The following PPP4R2 variants were observed in gnomAD, a reference collection of about 807,000 sequenced individuals.
PPP4R2 encodes serine/threonine-protein phosphatase 4 regulatory subunit 2.
Under a neutral mutation model 47.2 loss-of-function variants are expected in PPP4R2, and 13 were observed. The ratio of observed to expected loss-of-function variants is 0.28; its 90% confidence interval spans 0.18 to 0.44. The LOEUF is 0.44. Ranked by LOEUF, PPP4R2 falls within the 20% of genes least tolerant of loss-of-function variation. The pLI is 1.00. For missense variants in PPP4R2, 421 were observed against 491.2 expected, an observed-to-expected ratio of 0.86 and a Z score of 1.35; for synonymous variants, 151 against 163.3, an observed-to-expected ratio of 0.92 and a Z score of 0.57.
At chr3:73,041,452 C>T (rs1270831264) in intron 2 of PPP4R2, among the ~76,000 whole-genome samples, 1 of 152,222 alleles carries the variant, frequency 6.6e-6, no homozygotes, top group East Asian at 1.9e-4. Flanking sequence ...TTGCCTCAGT[C>T]ATATAATTAA....
intron 2 of PPP4R2, among the ~76,000 whole-genome samples, chr3:73,001,848 C>G (rs1428803418): frequency 6.6e-6 from 1 of 152,172 alleles, no homozygotes; most frequent in East Asian, 1.9e-4. Context: ...AGGATGATCT[C>G]TATCTCTTGA....
chr3:73,003,763 A>G (rs1022243679), intron 2 of PPP4R2, among the ~76,000 whole-genome samples: 4 of 151,592 alleles, frequency 2.6e-5, no homozygotes, highest in Non-Finnish European at 4.4e-5. Flanking sequence ...CAGTGGTGCG[A>G]TCTTGACTCA....
intron 1 of PPP4R2, 137 bp downstream of exon 1, chr3:72,997,208 A>G (rs998766344): frequency 5.7e-5 from 33 of 579,202 alleles, no homozygotes; most frequent in Non-Finnish European, 7.7e-5. Context: ...ATCCCCCTCC[A>G]CCTCCCCAGG....
intron 5 of PPP4R2, chr3:73,063,085 A>T: frequency 3.3e-6 from 2 of 608,330 alleles, no homozygotes; most frequent in Non-Finnish European, 5.7e-6. Context: ...TTGCCACCCC[A>T]TTATTGGGGA....
chr3:73,047,625 A>G (rs1702511393), intron 3 of PPP4R2, among the ~76,000 whole-genome samples: 1 of 152,144 alleles, frequency 6.6e-6, no homozygotes, highest in South Asian at 2.1e-4. Context: ...CCTGTTTTAT[A>G]TTTGGTGTTA....
intron 2 of PPP4R2, among the ~76,000 whole-genome samples, chr3:73,005,536 T>C (rs1701589951): frequency 6.6e-6 from 1 of 152,064 alleles, no homozygotes; most frequent in South Asian, 2.1e-4. Context: ...GAATTCTTCT[T>C]TTGAGTCCTT....
chr3:73,022,585 CAA>C (rs1275630606), intron 2 of PPP4R2, among the ~76,000 whole-genome samples: 2 of 151,916 alleles, frequency 1.3e-5, no homozygotes, highest in African/African-American at 2.4e-5. Flanking sequence ...ATGTAAATTC[CAA>C]AGATTTTGAC....
At chr3:73,046,466 C>T (rs927943297) in intron 2 of PPP4R2, among the ~76,000 whole-genome samples, 10 of 152,138 alleles carry the variant, frequency 6.6e-5, no homozygotes, top group Non-Finnish European at 1.3e-4. Flanking sequence ...TTACACTATT[C>T]AGGCAGGTAT....
At chr3:73,007,440 CT>C (rs774421228) in intron 2 of PPP4R2, among the ~76,000 whole-genome samples, 5 of 151,374 alleles carry the variant, frequency 3.3e-5, no homozygotes, top group Admixed American at 6.6e-5. Flanking sequence ...TGTGAGGTTT[CT>C]TTTATCTTTT....
At chr3:73,044,226 G>GTT (rs1009445135) in intron 2 of PPP4R2, among the ~76,000 whole-genome samples, 1 of 151,774 alleles carries the variant, frequency 6.6e-6, no homozygotes, top group African/African-American at 2.4e-5. Context: ...AATTTTTGTT[G>GTT]TTGTTGTTGT....
chr3:73,046,042 T>C (rs959846533), intron 2 of PPP4R2, among the ~76,000 whole-genome samples: 1 of 152,260 alleles, frequency 6.6e-6, no homozygotes, highest in East Asian at 1.9e-4. Flanking sequence ...GTAATTTTTA[T>C]ATCTTTTACA....
At chr3:73,008,666 G>A (rs1701662971) in intron 2 of PPP4R2, among the ~76,000 whole-genome samples, 2 of 152,136 alleles carry the variant, frequency 1.3e-5, no homozygotes, top group African/African-American at 2.4e-5. Context: ...AATGGGGTTT[G>A]TACCTTTAGT....
At chr3:73,021,878 GTGTA>G (rs1213676078) in intron 2 of PPP4R2, among the ~76,000 whole-genome samples, 41 of 117,530 alleles carry the variant, frequency 3.5e-4, no homozygotes, top group South Asian at 5.3e-4. Flanking sequence ...GTGTGTGTGT[GTGTA>G]TATATGCATA....
At chr3:73,029,936 C>A (rs150590072) in intron 2 of PPP4R2, among the ~76,000 whole-genome samples, 3 of 152,190 alleles carry the variant, frequency 2.0e-5, no homozygotes, top group East Asian at 1.9e-4. Flanking sequence ...AATTGGAGTT[C>A]GTTGGTGATC....
At chr3:73,017,433 G>C (rs947290583) in intron 2 of PPP4R2, among the ~76,000 whole-genome samples, 2 of 152,164 alleles carry the variant, frequency 1.3e-5, no homozygotes, top group Admixed American at 1.3e-4. Context: ...TTCAGTGACA[G>C]CAGTGCTGAC....
rs202028414 is a variant in PPP4R2, at chr3:73,019,370, T to TTGTA, written c.116+21213_116+21214insGTAT. 9.2e-5 allele frequency among the ~76,000 whole-genome samples: 14 copies of TTGTA among 152,196 alleles called. No homozygotes were observed. In the East Asian group the frequency reaches 2.7e-3, roughly 29 times the overall value. Reference sequence around the variant, plus strand: ...GTCTTCATCTACAAAGGAACTATTATTTTATTTATTTATTTATTTTTGGGA... The same window carrying TTGTA: ...GTCTTCATCTACAAAGGAACTATTATTGTATTTATTTATTTATTTATTTTTGGGA... On this transcript the variant is annotated intron_variant, in intron 2 of 8. Transcript: ENST00000356692.
intron 2 of PPP4R2, among the ~76,000 whole-genome samples, chr3:73,006,973 G>A (rs1701622536): frequency 6.6e-6 from 1 of 152,174 alleles, no homozygotes; most frequent in Non-Finnish European, 1.5e-5. Context: ...GTGTCAGCTA[G>A]TTTTGTTGTA....
intron 2 of PPP4R2, among the ~76,000 whole-genome samples, chr3:73,036,324 A>G (rs908719285): frequency 6.6e-6 from 1 of 152,206 alleles, no homozygotes; most frequent in African/African-American, 2.4e-5. Context: ...AAGTTTTAGT[A>G]TTTGATAGCA....
intron 3 of PPP4R2, among the ~76,000 whole-genome samples, chr3:73,049,214 C>G (rs370552870): frequency 6.6e-6 from 1 of 152,040 alleles, no homozygotes; most frequent in Non-Finnish European, 1.5e-5. Flanking sequence ...GAATACTTCT[C>G]GGGGCCAGGT....
Sources: allele counts gnomAD v4.1 joint callset (sites outside exome capture counted in the v4.1 genomes callset), GRCh38; gene constraint gnomAD v4.1.1; transcripts MANE v1.5; gene names NCBI Gene and HGNC (gene_info 2026-07-23, HGNC 2026-07-21).